Variants in AKR1B10 observed in about 807,000 individuals in gnomAD.
AKR1B10 encodes the protein aldo-keto reductase family 1 member B10.
In AKR1B10, 39 loss-of-function variants were observed where a neutral mutation model predicts 38.9. The ratio of observed to expected loss-of-function variants is 1.00; its 90% CI spans 0.78 to 1.31. AKR1B10 has a LOEUF of 1.31. AKR1B10 is among the 50% of genes most tolerant of loss of function. The probability of loss-of-function intolerance (pLI) is 0.00; values close to 1 mark genes in which losing one functional copy is unlikely to be tolerated. For missense variants in AKR1B10, 361 were observed against 382.6 expected, an observed-to-expected ratio of 0.94 and a Z score of 0.47; for synonymous variants, 148 against 141.2, an observed-to-expected ratio of 1.05 and a Z score of -0.34.
In AKR1B10 at chr7:134,537,583, C is replaced by T; in HGVS notation, c.663C>T (p.Ala221=). The T allele has an allele frequency of 6.2e-7, 1 of 1,613,750 alleles. No individual in the cohort carries two copies. Among genetic ancestry groups the T allele is most frequent in the Non-Finnish European group, 8.5e-7 (1 of 1,179,856 alleles). ...ATCAGCATCTTTCTGCCCCTAGGGCCAAGCCAGAAGACCCTTCCCTGCTGG... is the reference window on the plus strand; with the variant it reads ...ATCAGCATCTTTCTGCCCCTAGGGCTAAGCCAGAAGACCCTTCCCTGCTGG... ...SPLGSPDRPW[A]KPEDPSLLED... is the part of the protein sequence containing the mutation. Residue 221 remains alanine (A), a synonymous_variant, in exon 7 of 10, where the codon GCC becomes GCT. Coordinates refer to ENST00000359579, the MANE Select transcript of AKR1B10 (RefSeq NM_020299.5).
chr7:134,538,295 C>T lies in AKR1B10; in HGVS notation c.825+18C>T, dbSNP rs770147807. ...ACATTCAGGTAAGTTTCCGGCTGGT[C>T]GGCCCTGGTATTCCTCAGTGGAGTG... On this transcript the variant is annotated intron_variant, in intron 8 of 9. Transcript: ENST00000359579. The T allele has an allele frequency of 2.3e-5, 37 of 1,609,492 alleles. No homozygotes were observed. The highest frequency in any genetic ancestry group is 1.6e-4 in the East Asian group (7 of 44,848).
chr7:134,529,928 A>G (rs1202271500), intron 1 of AKR1B10, among the ~76,000 whole-genome samples: 2 of 152,038 alleles, frequency 1.3e-5, no homozygotes, highest in African/African-American at 4.8e-5. Flanking sequence ...CGATCATTGT[A>G]TAATGATGGC....
chr7:134,528,731 AAGAGAGAAAGAG>A lies in AKR1B10; in HGVS notation c.66+762_66+773del, dbSNP rs547966130. Among the ~76,000 whole-genome samples the A allele has an allele frequency of 9.1e-4, 110 of 120,440 alleles. 1 individual carries two copies. The South Asian group carries it at 0.023, about 25-fold the overall frequency. 79.0% of individuals were successfully genotyped at this position (120,440 alleles called of 152,430 possible). ...CAGAGTGAGATCCAAGAAAGCAAGA[AAGAGAGAAAGAG>A]AGAGAGAGAAAGAAAGAGAGACAGA... is the stretch of plus-strand genomic sequence containing the variant. On this transcript the variant is annotated intron_variant, in intron 1 of 9. Coordinates refer to ENST00000359579, the MANE Select transcript of AKR1B10 (RefSeq NM_020299.5).
chr7:134,536,833 A>G (rs397833236), intron 5 of AKR1B10, 61 bp downstream of exon 5: 134 of 1,605,504 alleles, frequency 8.3e-5, no homozygotes, highest in Middle Eastern at 5.0e-4. Context: ...ACATTGCGGG[A>G]GGAATGTTCA....
At chr7:134,532,894 A>G (rs1807898713) in intron 3 of AKR1B10, 110 bp from the exon 4 acceptor site, 3 of 831,334 alleles carry the variant, frequency 3.6e-6, no homozygotes, top group African/African-American at 3.5e-5. Flanking sequence ...AACTTGAAAA[A>G]GTGGTATGCA....
intron 8 of AKR1B10, 116 bp from the exon 9 acceptor site, chr7:134,538,819 C>G (rs1808077960): frequency 8.3e-7 from 1 of 1,206,792 alleles, no homozygotes. Context: ...GGGAAAAACT[C>G]CTGTGGCCAG....
chr7:134,527,853 A>G lies in AKR1B10; in HGVS notation c.-59A>G, dbSNP rs568849114. The G allele has an allele frequency of 3.4e-5, 54 of 1,610,868 alleles. No individual in the cohort carries two copies. Among genetic ancestry groups the G allele is most frequent in the Middle Eastern group, 2.2e-4 (1 of 4,452 alleles). ...AGTGCAAGACTGTCTCAAAAACAGC[A>G]ACAGAGAGCAGGACGTGAGACTTCT... On this transcript the variant is annotated 5_prime_UTR_variant, in exon 1 of 10. Transcript: ENST00000359579.
At chr7:134,530,611 C>A in intron 1 of AKR1B10, 32 bp from the exon 2 acceptor site, 2 of 1,612,232 alleles carry the variant, frequency 1.2e-6, no homozygotes, top group Admixed American at 3.3e-5. Flanking sequence ...AAAAAAAACA[C>A]ATATGTGATG....
Position 134,536,674 on chromosome 7 carries a change from G to A in AKR1B10, c.454G>A (p.Gly152Arg). The change falls in exon 5 of 10, where the codon GGG becomes AGG. Residue 152 changes from glycine to arginine, a missense_variant. This residue lies in a region of AKR1B10 where 220 missense variants were observed against 216.1 expected (regional missense o/e 1.02). Transcript: ENST00000359579. ...WEAMEELVDE[G>R]LVKALGVSNF... is the part of the protein sequence containing the mutation. ...GGCCATGGAGGAGCTGGTGGATGAG[G>A]GGCTGGTGAAAGCCCTTGGGGTCTC... 1.2e-6 allele frequency: 2 copies of A among 1,613,862 alleles called. No homozygotes were observed. Among genetic ancestry groups the A allele is most frequent in the South Asian group, 1.1e-5 (1 of 91,060 alleles).
intron 9 of AKR1B10, among the ~76,000 whole-genome samples, chr7:134,540,302 T>C (rs1308292181): frequency 2.6e-5 from 4 of 152,136 alleles, no homozygotes; most frequent in Non-Finnish European, 5.9e-5. Context: ...CTAAGTATCA[T>C]AGGAGCCTTT....
chr7:134,535,788 A>G (rs758889231), intron 4 of AKR1B10: 119 of 716,232 alleles, frequency 1.7e-4, no homozygotes, highest in Non-Finnish European at 1.9e-4. Flanking sequence ...TAATTGGACT[A>G]TAAGAATCCC....
In AKR1B10 at chr7:134,532,029, A is replaced by G. The variant is rs1562929971; in HGVS notation, c.351+5A>G. ...CACTGGCCACAGGGATTCAAGGTTT[A>G]AGACACTCTCTTTCTCAGCCTCTAG... On this transcript the variant is annotated splice_donor_5th_base_variant and intron_variant, in intron 3 of 9. Coordinates refer to ENST00000359579, the MANE Select transcript of AKR1B10 (RefSeq NM_020299.5). 3 of 1,613,960 alleles carry G rather than the reference A, an allele frequency of 1.9e-6. No homozygotes were observed. Among genetic ancestry groups the G allele is most frequent in the Non-Finnish European group, 2.5e-6 (3 of 1,179,890 alleles).
At position 134,527,719 on chromosome 7, in the gene AKR1B10, G is replaced by A. The variant is rs1291181401; in HGVS notation, c.-193G>A. ...AAATTAGCTGGGAGTCACGGTGGGCGCCTGTAATCCCAGCTACTCGGGAGG... is the reference window on the plus strand; with the variant it reads ...AAATTAGCTGGGAGTCACGGTGGGCACCTGTAATCCCAGCTACTCGGGAGG... On this transcript the variant is annotated 5_prime_UTR_variant, in exon 1 of 10. Transcript: ENST00000359579. The A allele has an allele frequency of 7.9e-6, 4 of 503,778 alleles. No individual in the cohort carries two copies. Among genetic ancestry groups the A allele is most frequent in the East Asian group, 3.5e-5 (1 of 28,240 alleles). The allele number at this position is 503,778 out of a possible 1,614,324, so 31.2% of individuals were successfully genotyped here. A position where few individuals can be genotyped will look rare whatever the true frequency, so the allele number is the denominator to read the frequency against.
chr7:134,527,837 C>T lies in AKR1B10; in HGVS notation c.-75C>T. 6.2e-7 allele frequency: 1 copy of T among 1,605,388 alleles called. No homozygotes were observed. Among genetic ancestry groups the T allele is most frequent in the Non-Finnish European group, 8.5e-7 (1 of 1,174,730 alleles). On this transcript the variant is annotated 5_prime_UTR_variant, in exon 1 of 10. Coordinates refer to ENST00000359579, the MANE Select transcript of AKR1B10 (RefSeq NM_020299.5). ...CTCTAGCCTTGGCAACAGTGCAAGA[C>T]TGTCTCAAAAACAGCAACAGAGAGC...
At chr7:134,532,923 A>G (rs549298455) in intron 3 of AKR1B10, 81 bp from the exon 4 acceptor site, 2 of 1,197,048 alleles carry the variant, frequency 1.7e-6, no homozygotes, top group Non-Finnish European at 2.4e-6. Context: ...ATTTAGCAAG[A>G]GTCAGGATCC....
chr7:134,538,481 T>C (rs537660302), intron 8 of AKR1B10, among the ~76,000 whole-genome samples: 1 of 152,266 alleles, frequency 6.6e-6, no homozygotes, highest in South Asian at 2.1e-4. Context: ...GGGCAGTGCC[T>C]GGTAAAGCCC....
intron 6 of AKR1B10, 149 bp from the exon 7 acceptor site, chr7:134,537,431 C>T (rs558276513): frequency 4.2e-5 from 54 of 1,301,008 alleles, no homozygotes; most frequent in South Asian, 1.5e-4. Context: ...CTTCAGAGCC[C>T]GGGGAAAGGA....
At chr7:134,539,047 T>G (rs1285757936) in intron 9 of AKR1B10, 30 bp downstream of exon 9, 1 of 1,613,330 alleles carries the variant, frequency 6.2e-7, no homozygotes, top group Non-Finnish European at 8.5e-7. Flanking sequence ...CTAGAAGCAT[T>G]GCCAGGAGTT....
At chr7:134,538,034 G>A in intron 7 of AKR1B10, 160 bp from the exon 8 acceptor site, 2 of 730,280 alleles carry the variant, frequency 2.7e-6, no homozygotes, top group Non-Finnish European at 4.8e-6. Context: ...AGAGAAAGAG[G>A]TGGGGGTCTG....
Sources: allele counts gnomAD v4.1 joint callset (sites outside exome capture counted in the v4.1 genomes callset), GRCh38; gene constraint gnomAD v4.1.1; regional missense constraint gnomAD v4.1.1; transcripts MANE v1.5; gene names NCBI Gene and HGNC (gene_info 2026-07-23, HGNC 2026-07-21).